The following DDX47 variants were observed in gnomAD, a reference collection of about 807,000 sequenced individuals.
DDX47 encodes probable ATP-dependent RNA helicase DDX47.
DDX47 carries 60 observed loss-of-function variants against 58.8 expected under a neutral mutation model. The observed-to-expected ratio is 1.02, with a 90% CI of 0.83 to 1.26. DDX47 has a LOEUF of 1.26. Among genes scored for constraint, DDX47 ranks in the 50% most tolerant of loss-of-function variants. The pLI is 0.00. For synonymous variants in DDX47, 197 were observed against 204.6 expected, an observed-to-expected ratio of 0.96 and a Z score of 0.32; for missense variants, 530 against 573.2, an observed-to-expected ratio of 0.92 and a Z score of 0.77.
chr12:12,826,414 A>C (rs1172378061), intron 10 of DDX47: 1 of 160,132 alleles, frequency 6.2e-6, no homozygotes. Flanking sequence ...TGTTCTGTGA[A>C]TAAATACCTT....
At chr12:12,823,367 C>A in intron 7 of DDX47, 48 bp downstream of exon 7, 2 of 1,125,924 alleles carry the variant, frequency 1.8e-6, no homozygotes, top group Non-Finnish European at 2.7e-6. Context: ...TTCTTTTCAC[C>A]AAAGCATCTG....
chr12:12,823,490 G>C, intron 7 of DDX47, 171 bp downstream of exon 7: 1 of 601,022 alleles, frequency 1.7e-6, no homozygotes, highest in Non-Finnish European at 3.0e-6. Flanking sequence ...AGACATGCCA[G>C]GAATTCACAA....
chr12:12,822,688 C>G lies in DDX47; in HGVS notation c.589C>G (p.Arg197Gly). ...TGACAAGATCCTCAAAGTGATTCCT[C>G]GAGATCGGAAAACATTCCTCTTCTC... The part of the protein sequence containing the change: ...EVDKILKVIP[R>G]DRKTFLFSAT... Residue 197 changes from arginine to glycine, a missense_variant, in exon 6 of 12, where the codon CGA (arginine) becomes GGA (glycine). By Grantham distance (125) the Arg-to-Gly change is moderately radical. Coordinates refer to ENST00000358007, the MANE Select transcript of DDX47 (RefSeq NM_016355.4). 1.2e-6 allele frequency: 2 copies of G among 1,613,962 alleles called. No homozygotes were observed. Among genetic ancestry groups the G allele is most frequent in the East Asian group, 4.5e-5 (2 of 44,870 alleles).
intron 2 of DDX47, among the ~76,000 whole-genome samples, chr12:12,816,112 A>T (rs1352360146): frequency 6.6e-6 from 1 of 152,206 alleles, no homozygotes; most frequent in African/African-American, 2.4e-5. Flanking sequence ...TTGGTGTACC[A>T]CTGATACAAA....
At chr12:12,825,626 G>C (rs1001005329) in intron 9 of DDX47, among the ~76,000 whole-genome samples, 4 of 152,142 alleles carry the variant, frequency 2.6e-5, no homozygotes, top group African/African-American at 9.7e-5. Flanking sequence ...TAGAAACCAA[G>C]GTTCAGAGAG....
chr12:12,815,025 A>G (rs920466459), intron 2 of DDX47, among the ~76,000 whole-genome samples: 1 of 152,204 alleles, frequency 6.6e-6, no homozygotes, highest in Admixed American at 6.5e-5. Flanking sequence ...CTGCTCTTAG[A>G]TTCCTAAAGT....
At chr12:12,816,985 T>G (rs1862906137) in intron 2 of DDX47, among the ~76,000 whole-genome samples, 2 of 152,206 alleles carry the variant, frequency 1.3e-5, no homozygotes, top group Admixed American at 1.3e-4. Context: ...CAGTGGAAGA[T>G]TACTAGGAAC....
chr12:12,827,876 C>CTTTT (rs58725534), intron 11 of DDX47, among the ~76,000 whole-genome samples: 1 of 132,778 alleles, frequency 7.5e-6, no homozygotes, highest in African/African-American at 2.8e-5. Context: ...TTTCTTTTTT[C>CTTTT]TTTTTTTTTT....
intron 2 of DDX47, among the ~76,000 whole-genome samples, chr12:12,816,693 A>G (rs1862901894): frequency 6.6e-6 from 1 of 152,198 alleles, no homozygotes; most frequent in Admixed American, 6.5e-5. Flanking sequence ...TTTCACACAA[A>G]TTAGGGAAGG....
In DDX47 at chr12:12,826,044, C is replaced by T. The variant is rs200552579; in HGVS notation, c.1080C>T (p.Ser360=). The T allele has an allele frequency of 1.1e-4, 183 of 1,613,428 alleles. No individual in the cohort carries two copies. Among genetic ancestry groups the T allele is most frequent in the South Asian group, 2.5e-4 (23 of 90,956 alleles). The change falls in exon 10 of 12, where the codon TCC becomes TCT. Residue 360 remains serine (S), a synonymous_variant. Transcript: ENST00000358007. ...GTCGAACAGCTAGAGCTGGGCGCTC[C>T]GGAAAGGCTATTACTTTTGTCACAC... ...RVGRTARAGR[S]GKAITFVTQY...
In DDX47 at chr12:12,823,250, C is replaced by G. The variant is rs757649860; in HGVS notation, c.681C>G (p.Ala227=). ...CTCTGAAGAATCCTGTGAAATGTGCCGTTTCCTCTAAATACCAGACAGTTG... is the reference window on the plus strand; with the variant it reads ...CTCTGAAGAATCCTGTGAAATGTGCGGTTTCCTCTAAATACCAGACAGTTG... ...RAALKNPVKC[A]VSSKYQTVEK... Residue 227 remains alanine, a synonymous_variant, in exon 7 of 12, where the codon GCC becomes GCG. Transcript: ENST00000358007. 5.6e-6 allele frequency: 9 copies of G among 1,613,830 alleles called. No homozygotes were observed. The highest frequency in any genetic ancestry group is 7.6e-6 in the Non-Finnish European group (9 of 1,179,846).
At chr12:12,814,604 A>G (rs2136417394) in intron 2 of DDX47, 1 of 182,374 alleles carries the variant, frequency 5.5e-6, no homozygotes, top group South Asian at 1.1e-4. Flanking sequence ...GATTTGTAAA[A>G]CAGTGGTTAA....
At chr12:12,817,531 A>G (rs542125764) in intron 2 of DDX47, among the ~76,000 whole-genome samples, 6 of 152,346 alleles carry the variant, frequency 3.9e-5, no homozygotes, top group African/African-American at 9.6e-5. Context: ...TGGGTAACAC[A>G]TTGAGACACC....
Position 12,824,070 on chromosome 12 carries a change from C to A in DDX47, c.897+54C>A, listed in dbSNP as rs1020294566. 4.6e-5 allele frequency: 72 copies of A among 1,576,594 alleles called. No homozygotes were observed. The Admixed American group carries it at 1.3e-3, about 29-fold the overall frequency. ...GCACTGGTGGCGTGAGCGAGATAAA[C>A]CTCCTAACAGTAGGTTTGTACAATA... is the stretch of plus-strand genomic sequence containing the variant. On this transcript the variant is annotated intron_variant, in intron 8 of 11. Transcript: ENST00000358007.
chr12:12,823,294 A>T lies in DDX47; in HGVS notation c.725A>T (p.Tyr242Phe). 6.3e-7 allele frequency: 1 copy of T among 1,590,152 alleles called. No individual in the cohort carries two copies. Among genetic ancestry groups the T allele is most frequent in the Non-Finnish European group, 8.6e-7 (1 of 1,158,196 alleles). The change falls in exon 7 of 12, where the codon TAT becomes TTT. Residue 242 changes from tyrosine (Y) to phenylalanine (F), a missense_variant. Physicochemically the swap from Tyr to Phe is conservative, Grantham distance 22. Transcript: ENST00000358007. ...ACAGTTGAAAAATTACAGCAATATT[A>T]TATTTTTATTCCCTCTAAATTCAAG... The part of the protein sequence containing the change: ...YQTVEKLQQY[Y>F]IFIPSKFKDT...
Position 12,814,143 on chromosome 12 carries a change from G to A in DDX47, c.100G>A (p.Val34Met). The part of the protein sequence containing the change: ...KTFKDLGVTD[V>M]LCEACDQLGW... ...TCTGAATTCCAAGGGTGTGACAGATGTGTTGTGTGAAGCTTGTGACCAGTT... is the reference window on the plus strand; with the variant it reads ...TCTGAATTCCAAGGGTGTGACAGATATGTTGTGTGAAGCTTGTGACCAGTT... Residue 34 changes from valine (V) to methionine (M), a missense_variant, in exon 2 of 12, where the codon GTG becomes ATG. Val to Met is a conservative substitution (Grantham distance 21). Coordinates refer to ENST00000358007, the MANE Select transcript of DDX47 (RefSeq NM_016355.4). 6.2e-7 allele frequency: 1 copy of A among 1,613,102 alleles called. No individual in the cohort carries two copies. The highest frequency in any genetic ancestry group is 8.5e-7 in the Non-Finnish European group (1 of 1,179,058).
At chr12:12,826,531 C>T (rs760503381) in intron 10 of DDX47, among the ~76,000 whole-genome samples, 19 of 151,884 alleles carry the variant, frequency 1.3e-4, no homozygotes, top group Non-Finnish European at 1.6e-4. Flanking sequence ...CACCTTCCAC[C>T]CCCTGGGCTC....
Position 12,829,815 on chromosome 12 carries a change from C to T in DDX47, c.*261C>T. 1 of 298,620 alleles carries T rather than the reference C, an allele frequency of 3.3e-6. No homozygotes were observed. The highest frequency in any genetic ancestry group is 6.1e-6 in the Non-Finnish European group (1 of 163,456). 18.5% of individuals were successfully genotyped at this position (298,620 alleles called of 1,614,324 possible). A position where few individuals can be genotyped will look rare whatever the true frequency, so the allele number is the denominator to read the frequency against. On this transcript the variant is annotated 3_prime_UTR_variant, in exon 12 of 12. Coordinates refer to ENST00000358007, the MANE Select transcript of DDX47 (RefSeq NM_016355.4). Reference sequence around the variant, plus strand: ...GGGTGTGCTCTTCTGTCACTTCACACAGACCTTTTGCCTTTTTTAGCTGCA... The same window carrying T: ...GGGTGTGCTCTTCTGTCACTTCACATAGACCTTTTGCCTTTTTTAGCTGCA...
Position 12,821,405 on chromosome 12 carries a change from C to A in DDX47, c.370+9C>A. ...TATTGGAGTGCAGAGTGGTAAGTGT[C>A]TGAGAGGGAAGGGATCCTAGGTTGC... On this transcript the variant is annotated intron_variant, in intron 3 of 11. Coordinates refer to ENST00000358007, the MANE Select transcript of DDX47 (RefSeq NM_016355.4). 6.2e-7 allele frequency: 1 copy of A among 1,614,018 alleles called. No homozygotes were observed. The highest frequency in any genetic ancestry group is 1.1e-5 in the South Asian group (1 of 91,072).
Sources: gnomAD v4.1 joint callset for allele counts (sites outside exome capture counted in the v4.1 genomes callset) on GRCh38, gnomAD v4.1.1 for gene constraint, MANE v1.5 for transcripts, NCBI Gene and HGNC (gene_info 2026-07-23, HGNC 2026-07-21) for gene names.